The following DOK6 variants were observed in gnomAD, a reference collection of about 807,000 sequenced individuals.
DOK6 encodes downstream of tyrosine kinase 6.
In DOK6, 22 loss-of-function variants were observed where a neutral mutation model predicts 44.0. The observed-to-expected ratio is 0.50, with a 90% CI of 0.36 to 0.71. The LOEUF is 0.71. Ranked by LOEUF, DOK6 falls within the 30% of genes least tolerant of loss-of-function variation. DOK6 has a pLI of 0.00. For missense variants in DOK6, 340 were observed against 416.4 expected (o/e 0.82, Z 1.60); for synonymous variants, 166 against 145.5 (o/e 1.14, Z -1.01).
At chr18:69,620,819 C>G (rs1160258827) in intron 3 of DOK6, among the ~76,000 whole-genome samples, 1 of 152,180 alleles carries the variant, frequency 6.6e-6, no homozygotes, top group African/African-American at 2.4e-5. Flanking sequence ...ACCTTGTGTA[C>G]TTTCCTAGTC....
In DOK6 at chr18:69,764,042, G is replaced by A. The variant is rs540592514; in HGVS notation, c.856+6169G>A. On this transcript the variant is annotated intron_variant, in intron 7 of 7. Transcript: ENST00000382713. ...TGCTCTTGCGCAAGGTGAGGTGTTT[G>A]TTGGCATTTCTGCTTTTTGCTTTAG... Among the ~76,000 whole-genome samples, 43 of 152,108 alleles carry A rather than the reference G, an allele frequency of 2.8e-4. 1 individual carries two copies. Among genetic ancestry groups the A allele is most frequent in the Non-Finnish European group, 3.5e-4 (24 of 68,018 alleles).
chr18:69,732,066 C>T (rs761124895), intron 5 of DOK6, among the ~76,000 whole-genome samples: 3 of 152,194 alleles, frequency 2.0e-5, no homozygotes, highest in Admixed American at 6.5e-5. Context: ...TTCTTCAAAA[C>T]AATGTTTCTT....
At chr18:69,606,056 C>T (rs1166696500) in intron 3 of DOK6, among the ~76,000 whole-genome samples, 6 of 152,070 alleles carry the variant, frequency 3.9e-5, no homozygotes, top group African/African-American at 1.4e-4. Flanking sequence ...CAAATTACCT[C>T]AGGTCAGGAG....
chr18:69,770,934 A>T (rs1979870959), intron 7 of DOK6, among the ~76,000 whole-genome samples: 1 of 152,002 alleles, frequency 6.6e-6, no homozygotes, highest in South Asian at 2.1e-4. Context: ...TTGTTAGTTC[A>T]TATGACTTCC....
chr18:69,678,066 T>C (rs6566437), intron 4 of DOK6, among the ~76,000 whole-genome samples: 114,372 of 151,918 alleles, frequency 0.75, 43,749 homozygotes, highest in East Asian at 0.96. Context: ...CTGGGCAACA[T>C]GGTAAAACCT....
chr18:69,612,609 ACGCTGCTTAGTGTCTTT>A (rs1984186821), intron 3 of DOK6, among the ~76,000 whole-genome samples: 1 of 50,022 alleles, frequency 2.0e-5, no homozygotes, highest in Admixed American at 1.7e-4. Flanking sequence ...GTTCCCCCTC[ACGCTGCTTAGTGTCTTT>A]GCTCCCCACT....
intron 3 of DOK6, among the ~76,000 whole-genome samples, chr18:69,612,981 AGTCAATCCTCCCACCTGAAG>A (rs1360292077): frequency 3.3e-5 from 5 of 151,378 alleles, no homozygotes; most frequent in Non-Finnish European, 7.4e-5. Context: ...TCCCTGGCTC[AGTCAATCCTCCCACCTGAAG>A]CTGGGACTAC....
chr18:69,462,462 A>G (rs1343369541), intron 1 of DOK6, among the ~76,000 whole-genome samples: 1 of 152,184 alleles, frequency 6.6e-6, no homozygotes, highest in East Asian at 1.9e-4. Flanking sequence ...GTATCCTCAG[A>G]CATCAGCTTT....
chr18:69,537,378 C>A (rs376044944), intron 1 of DOK6, among the ~76,000 whole-genome samples: 9 of 152,224 alleles, frequency 5.9e-5, no homozygotes, highest in African/African-American at 1.9e-4. Context: ...CTGAGAATAT[C>A]ATTATCACGG....
chr18:69,458,222 G>A (rs915902022), intron 1 of DOK6, among the ~76,000 whole-genome samples: 1 of 152,152 alleles, frequency 6.6e-6, no homozygotes, highest in African/African-American at 2.4e-5. Context: ...CTTTATTCCT[G>A]GGATGCAAGG....
chr18:69,564,370 C>A (rs1982918636), intron 1 of DOK6, 117 bp from the exon 2 acceptor site: 2 of 708,154 alleles, frequency 2.8e-6, no homozygotes, highest in African/African-American at 3.7e-5. Flanking sequence ...ACATGTTTGT[C>A]AATCAAAAAC....
At chr18:69,540,960 C>T (rs112706928) in intron 1 of DOK6, among the ~76,000 whole-genome samples, 104 of 152,200 alleles carry the variant, frequency 6.8e-4, no homozygotes, top group African/African-American at 2.2e-3. Flanking sequence ...GGCAGAAATT[C>T]GCCATTAAGT....
chr18:69,708,484 A>C (rs1369507701), intron 5 of DOK6, among the ~76,000 whole-genome samples: 2 of 152,192 alleles, frequency 1.3e-5, no homozygotes, highest in African/African-American at 4.8e-5. Context: ...TATGAGGATC[A>C]AATGAAATAA....
intron 5 of DOK6, among the ~76,000 whole-genome samples, chr18:69,714,183 G>A (rs1298423993): frequency 2.0e-5 from 3 of 152,176 alleles, no homozygotes; most frequent in Non-Finnish European, 4.4e-5. Context: ...ATTACCTATG[G>A]TAAACAGACG....
intron 5 of DOK6, among the ~76,000 whole-genome samples, chr18:69,720,743 T>G (rs1986988273): frequency 6.6e-6 from 1 of 152,200 alleles, no homozygotes; most frequent in African/African-American, 2.4e-5. Context: ...TTTTAGTAAG[T>G]CAGCTTCCCA....
chr18:69,788,606 C>A (rs1468828760), intron 7 of DOK6, among the ~76,000 whole-genome samples: 1 of 152,106 alleles, frequency 6.6e-6, no homozygotes, highest in Non-Finnish European at 1.5e-5. Context: ...CTATCCAAGG[C>A]GTCCTAACTG....
At chr18:69,834,332 T>C (rs1372674230) in intron 7 of DOK6, among the ~76,000 whole-genome samples, 2 of 152,146 alleles carry the variant, frequency 1.3e-5, no homozygotes, top group African/African-American at 4.8e-5. Flanking sequence ...AATGTGGATC[T>C]CCTGGAGATA....
At chr18:69,691,370 A>G (rs1038250756) in intron 4 of DOK6, among the ~76,000 whole-genome samples, 3 of 152,126 alleles carry the variant, frequency 2.0e-5, no homozygotes, top group Non-Finnish European at 2.9e-5. Context: ...GGCAGAAAGG[A>G]GAGAATATTC....
chr18:69,821,924 T>C (rs2145124663), intron 7 of DOK6, among the ~76,000 whole-genome samples: 1 of 152,232 alleles, frequency 6.6e-6, no homozygotes, highest in Non-Finnish European at 1.5e-5. Flanking sequence ...AGAAATTAAT[T>C]GTGATTAATA....
Sources: gnomAD v4.1 joint callset for allele counts (sites outside exome capture counted in the v4.1 genomes callset) on GRCh38, gnomAD v4.1.1 for gene constraint, MANE v1.5 for transcripts, NCBI Gene and HGNC (gene_info 2026-07-23, HGNC 2026-07-21) for gene names.